The following PCGF6 variants were observed in gnomAD, a reference collection of about 807,000 sequenced individuals.
PCGF6 encodes the protein polycomb group ring finger 6, also known as polycomb group RING finger protein 6.
PCGF6 carries 24 observed loss-of-function variants against 45.5 expected under a neutral mutation model. The ratio of observed to expected loss-of-function variants is 0.53; its 90% CI spans 0.38 to 0.74. The LOEUF (loss-of-function observed/expected upper bound fraction) is 0.74. Among genes scored for constraint, PCGF6 ranks in the 30% least tolerant of loss-of-function variants. PCGF6 has a pLI of 0.00. For missense variants in PCGF6, 356 were observed against 443.2 expected (o/e 0.80, Z 1.77); for synonymous variants, 152 against 162.1 (o/e 0.94, Z 0.47).
intron 7 of PCGF6, among the ~76,000 whole-genome samples, chr10:103,327,496 G>C (rs772712403): frequency 6.6e-6 from 1 of 152,078 alleles, no homozygotes; most frequent in Non-Finnish European, 1.5e-5. Context: ...ATGAATATCT[G>C]ATCAAGGGAT....
intron 7 of PCGF6, among the ~76,000 whole-genome samples, chr10:103,329,771 C>A (rs146633399): frequency 2.0e-5 from 3 of 151,468 alleles, no homozygotes; most frequent in Non-Finnish European, 4.4e-5. Context: ...CCGTGCCCGG[C>A]CAGTTTTTTT....
intron 6 of PCGF6, among the ~76,000 whole-genome samples, chr10:103,337,827 G>T (rs1241650312): frequency 1.7e-5 from 1 of 57,590 alleles, no homozygotes; most frequent in Non-Finnish European, 3.8e-5. Flanking sequence ...CACTTTGGGA[G>T]GCCGAGGCGG....
At position 103,333,937 on chromosome 10, in the gene PCGF6, C is replaced by T. The variant is rs757373996; in HGVS notation, c.798G>A (p.Thr266=). 3 of 1,553,174 alleles carry T rather than the reference C, an allele frequency of 1.9e-6. No individual in the cohort carries two copies. Among genetic ancestry groups the T allele is most frequent in the Non-Finnish European group, 2.6e-6 (3 of 1,153,870 alleles). The change falls in exon 7 of 10, where the codon ACG becomes ACA. Residue 266 remains threonine (T), a synonymous_variant. Transcript: ENST00000369847. The part of the protein sequence containing the change: ...LLEFIGANEG[T]GHFKPLEKKF... ...AAAAGTAAAATACCTTAAAATGTCC[C>T]GTGCCTTCATTAGCACTGAAAAATG...
intron 6 of PCGF6, among the ~76,000 whole-genome samples, chr10:103,339,993 C>T (rs1253494137): frequency 7.8e-6 from 1 of 128,750 alleles, no homozygotes; most frequent in Non-Finnish European, 1.6e-5. Flanking sequence ...GAAACCCCGC[C>T]TCTACTAAAA....
In PCGF6 at chr10:103,337,787, G is replaced by A. The variant is rs1414663082; in HGVS notation, c.783-3835C>T. 1.5e-4 allele frequency among the ~76,000 whole-genome samples: 7 copies of A among 46,026 alleles called. 1 individual carries two copies. The highest frequency in any genetic ancestry group is 1.2e-3 in the East Asian group (2 of 1,648). 30.2% of individuals were successfully genotyped at this position (46,026 alleles called of 152,430 possible). A position where few individuals can be genotyped will look rare whatever the true frequency, so the allele number is the denominator to read the frequency against. On this transcript the variant is annotated intron_variant, in intron 6 of 9. Coordinates refer to ENST00000369847, the MANE Select transcript of PCGF6 (RefSeq NM_001011663.2). ...TACTAAAAATACAAAATTAGCGGCCGGGCGCGGTGGCTCACGCCTGTAATC... is the reference window on the plus strand; with the variant it reads ...TACTAAAAATACAAAATTAGCGGCCAGGCGCGGTGGCTCACGCCTGTAATC...
At chr10:103,344,694 C>T (rs1436200112) in intron 6 of PCGF6, among the ~76,000 whole-genome samples, 7 of 151,818 alleles carry the variant, frequency 4.6e-5, no homozygotes, top group African/African-American at 1.7e-4. Context: ...TCCCAAGTAG[C>T]TGGGATTACA....
chr10:103,310,838 G>T (rs1041357167), intron 9 of PCGF6, among the ~76,000 whole-genome samples: 6 of 152,046 alleles, frequency 3.9e-5, no homozygotes, highest in African/African-American at 1.2e-4. Flanking sequence ...AAGTAGTTGG[G>T]ACTATAGGCA....
intron 8 of PCGF6, among the ~76,000 whole-genome samples, chr10:103,317,385 C>T (rs779714140): frequency 6.6e-5 from 10 of 152,138 alleles, no homozygotes; most frequent in Non-Finnish European, 1.0e-4. Context: ...TATACATTCA[C>T]GGTATTATTA....
intron 1 of PCGF6, 84 bp from the exon 2 acceptor site, chr10:103,349,083 CTG>C (rs1251646432): frequency 1.2e-5 from 14 of 1,193,410 alleles, no homozygotes; most frequent in Non-Finnish European, 1.2e-6. Flanking sequence ...GAGTCTCACT[CTG>C]TAGCCCAAGC....
chr10:103,323,934 A>G (rs931361424), intron 8 of PCGF6, among the ~76,000 whole-genome samples: 9 of 151,344 alleles, frequency 5.9e-5, no homozygotes, highest in African/African-American at 2.2e-4. Flanking sequence ...ACAGTATTTT[A>G]TTATTTTATT....
At chr10:103,343,888 T>C (rs897297766) in intron 6 of PCGF6, among the ~76,000 whole-genome samples, 1 of 142,482 alleles carries the variant, frequency 7.0e-6, no homozygotes, top group African/African-American at 2.6e-5. Context: ...TCAGGTAAAG[T>C]TGAAGAGGAA....
At chr10:103,331,288 T>C (rs2093239276) in intron 7 of PCGF6, among the ~76,000 whole-genome samples, 1 of 152,218 alleles carries the variant, frequency 6.6e-6, no homozygotes, top group Admixed American at 6.6e-5. Context: ...AGGTTCGCTC[T>C]TTTGCCCAGG....
chr10:103,313,564 C>CA (rs1397903511), intron 9 of PCGF6, among the ~76,000 whole-genome samples: 3 of 150,810 alleles, frequency 2.0e-5, no homozygotes, highest in African/African-American at 7.3e-5. Flanking sequence ...GACCTTGTCT[C>CA]AAAAAAATGA....
At position 103,351,068 on chromosome 10, in the gene PCGF6, G is replaced by T; in HGVS notation, c.-2C>A. On this transcript the variant is annotated 5_prime_UTR_variant, in exon 1 of 10. Transcript: ENST00000369847. Reference sequence around the variant, plus strand: ...CGTCACCACCGCGACCCCCTCCATGGTCGGGAGAGACACCAGGCGAGGCGA... The same window carrying T: ...CGTCACCACCGCGACCCCCTCCATGTTCGGGAGAGACACCAGGCGAGGCGA... The T allele has an allele frequency of 4.3e-6, 6 of 1,383,430 alleles. No homozygotes were observed. The highest frequency in any genetic ancestry group is 3.7e-6 in the Non-Finnish European group (4 of 1,068,796). 85.7% of individuals were successfully genotyped at this position (1,383,430 alleles called of 1,614,324 possible). A position where few individuals can be genotyped will look rare whatever the true frequency, so the allele number is the denominator to read the frequency against.
At chr10:103,319,445 CTGG>C (rs2093188619) in intron 8 of PCGF6, among the ~76,000 whole-genome samples, 1 of 152,164 alleles carries the variant, frequency 6.6e-6, no homozygotes, top group Non-Finnish European at 1.5e-5. Context: ...GCCACCGGAC[CTGG>C]CCATACATAC....
At chr10:103,321,399 C>T (rs1032128527) in intron 8 of PCGF6, among the ~76,000 whole-genome samples, 2 of 152,078 alleles carry the variant, frequency 1.3e-5, no homozygotes, top group Non-Finnish European at 2.9e-5. Flanking sequence ...AAATACTGTA[C>T]AAGATGGTGA....
intron 9 of PCGF6, among the ~76,000 whole-genome samples, chr10:103,309,197 G>T (rs189959058): frequency 0.019 from 2,115 of 113,616 alleles, 134 homozygotes; most frequent in Admixed American, 0.14. Context: ...GAGATTTGGT[G>T]GGGGGGGGGC....
chr10:103,311,477 C>T (rs1391322379), intron 9 of PCGF6, among the ~76,000 whole-genome samples: 1 of 148,706 alleles, frequency 6.7e-6, no homozygotes, highest in African/African-American at 2.5e-5. Flanking sequence ...CATGGTCCTG[C>T]TCCGTTGCCC....
Position 103,347,404 on chromosome 10 carries a change from G to C in PCGF6, c.604C>G (p.Leu202Val), listed in dbSNP as rs375269864. 115 of 1,606,274 alleles carry C rather than the reference G, an allele frequency of 7.2e-5. No individual in the cohort carries two copies. Among genetic ancestry groups the C allele is most frequent in the Non-Finnish European group, 9.5e-5 (111 of 1,173,502 alleles). ...QDIVYKLVINLEEREKKQMHD... is the reference protein window; with the variant it reads ...QDIVYKLVINVEEREKKQMHD... Reference sequence around the variant, plus strand: ...AATAAAAGAAACTTACTTTCCTCTAGATTGATCACTAATTTGTACACTATG... The same window carrying C: ...AATAAAAGAAACTTACTTTCCTCTACATTGATCACTAATTTGTACACTATG... Residue 202 changes from leucine to valine, a missense_variant, in exon 4 of 10, where the codon CTA becomes GTA. Physicochemically the swap from Leu to Val is conservative, Grantham distance 32. Coordinates refer to ENST00000369847, the MANE Select transcript of PCGF6 (RefSeq NM_001011663.2).
Sources: allele counts gnomAD v4.1 joint callset (sites outside exome capture counted in the v4.1 genomes callset), GRCh38; gene constraint gnomAD v4.1.1; transcripts MANE v1.5; gene names NCBI Gene and HGNC (gene_info 2026-07-23, HGNC 2026-07-21).